The following NAA11 variants were observed in gnomAD, a reference collection of about 807,000 sequenced individuals.
The protein encoded by NAA11 is N-alpha-acetyltransferase 11, NatA catalytic subunit.
In NAA11, 15 loss-of-function variants were observed where a neutral mutation model predicts 16.1. That is an observed-to-expected ratio of 0.93 (90% confidence interval 0.62 to 1.44). NAA11 has a LOEUF of 1.44. Ranked by LOEUF, NAA11 falls within the 40% of genes most tolerant of loss-of-function variation. The pLI is 0.00. For missense variants in NAA11, 298 were observed against 291.3 expected, an observed-to-expected ratio of 1.02 and a Z score of -0.17; for synonymous variants, 122 against 112.4, an observed-to-expected ratio of 1.09 and a Z score of -0.54.
At chr4:79,156,886 A>G in the NAA11 span, among the ~76,000 whole-genome samples, 3 of 152,220 alleles carry the variant, frequency 2.0e-5, no homozygotes, top group African/African-American at 7.2e-5. Flanking sequence ...GGTAATGAGA[A>G]GAAAAAGAAT....
chr4:79,271,483 T>C (rs866202815), intron 2 of NAA11, among the ~76,000 whole-genome samples: 2 of 152,044 alleles, frequency 1.3e-5, no homozygotes, highest in South Asian at 4.1e-4. Context: ...AACATAAAAA[T>C]TTGTTTCCTT....
chr4:79,194,819 G>A, the NAA11 span, among the ~76,000 whole-genome samples: 2 of 152,030 alleles, frequency 1.3e-5, no homozygotes, highest in African/African-American at 4.8e-5. Context: ...ACCCTTTGAA[G>A]TGTGTATTAC....
At chr4:79,283,552 T>A (rs1391054844) in intron 2 of NAA11, among the ~76,000 whole-genome samples, 3 of 151,962 alleles carry the variant, frequency 2.0e-5, no homozygotes, top group African/African-American at 7.2e-5. Context: ...TCTATTTTAA[T>A]CAGAAAAGCA....
At chr4:79,305,721 G>GA (rs1723559084) in intron 1 of NAA11, among the ~76,000 whole-genome samples, 1 of 152,058 alleles carries the variant, frequency 6.6e-6, no homozygotes, top group African/African-American at 2.4e-5. Context: ...AGAATGGTGA[G>GA]AAAAAAGCTT....
At chr4:79,213,906 A>G in the NAA11 span, among the ~76,000 whole-genome samples, 126,958 of 152,144 alleles carry the variant, frequency 0.83, 54,208 homozygotes, top group Non-Finnish European at 0.92. Context: ...GGAGTGCCCA[A>G]TTTGTAGCAC....
intron 2 of NAA11, among the ~76,000 whole-genome samples, chr4:79,270,164 T>G (rs1722460541): frequency 6.6e-6 from 1 of 151,086 alleles, no homozygotes; most frequent in African/African-American, 2.4e-5. Flanking sequence ...TTCTTTTGGC[T>G]TAGGATTGAC....
intron 2 of NAA11, among the ~76,000 whole-genome samples, chr4:79,256,634 ATATATATATAAATATAAATAT>A (rs1722111520): frequency 9.7e-6 from 1 of 102,896 alleles, no homozygotes; most frequent in African/African-American, 3.3e-5. Context: ...AAAATGAACC[ATATATATATAAATATAAATAT>A]ATATATATAT....
the NAA11 span, among the ~76,000 whole-genome samples, chr4:79,171,830 C>T: frequency 1.3e-5 from 2 of 152,118 alleles, no homozygotes; most frequent in Non-Finnish European, 2.9e-5. Context: ...GACAAATCTA[C>T]TATAAAATAC....
At chr4:79,295,913 G>C (rs1317715609) in intron 1 of NAA11, among the ~76,000 whole-genome samples, 1 of 152,072 alleles carries the variant, frequency 6.6e-6, no homozygotes, top group South Asian at 2.1e-4. Context: ...CTATTCCTCT[G>C]AGAAGTAACA....
At chr4:79,324,002 CAA>C (rs35787469) in intron 1 of NAA11, among the ~76,000 whole-genome samples, 79 of 118,106 alleles carry the variant, frequency 6.7e-4, no homozygotes, top group Admixed American at 6.8e-4. Context: ...GACTCTGTCT[CAA>C]AAAAAAAAAA....
chr4:79,188,105 A>G, the NAA11 span, among the ~76,000 whole-genome samples: 6 of 151,948 alleles, frequency 3.9e-5, no homozygotes, highest in Non-Finnish European at 7.4e-5. Flanking sequence ...TTTCGATTGT[A>G]ACAAATTTTC....
At chr4:79,255,294 C>G (rs769608845) in intron 2 of NAA11, among the ~76,000 whole-genome samples, 7 of 151,956 alleles carry the variant, frequency 4.6e-5, no homozygotes, top group Non-Finnish European at 4.4e-5. Flanking sequence ...TTGTACATGT[C>G]TTTGGTGGGC....
chr4:79,260,022 A>G (rs545298867), intron 2 of NAA11, among the ~76,000 whole-genome samples: 2 of 152,312 alleles, frequency 1.3e-5, no homozygotes, highest in East Asian at 3.9e-4. Flanking sequence ...GCTTAATTGT[A>G]GGCTTGTTAG....
chr4:79,206,248 T>G, the NAA11 span, among the ~76,000 whole-genome samples: 19 of 152,252 alleles, frequency 1.2e-4, no homozygotes, highest in Middle Eastern at 3.4e-3. Flanking sequence ...GAGTATGGGA[T>G]ATTTTTCCAT....
chr4:79,156,967 A>T, the NAA11 span, among the ~76,000 whole-genome samples: 1 of 152,186 alleles, frequency 6.6e-6, no homozygotes, highest in African/African-American at 2.4e-5. Context: ...ATTGAACAGG[A>T]CTCACGACAT....
chr4:79,216,030 T>C, the NAA11 span, among the ~76,000 whole-genome samples: 2 of 152,312 alleles, frequency 1.3e-5, no homozygotes, highest in South Asian at 4.1e-4. Flanking sequence ...TTCTCTTAAG[T>C]ACTCTGTTCT....
At chr4:79,284,456 T>C (rs1722863911) in intron 2 of NAA11, among the ~76,000 whole-genome samples, 1 of 152,098 alleles carries the variant, frequency 6.6e-6, no homozygotes, top group South Asian at 2.1e-4. Context: ...CAATCAAGTT[T>C]GATTCAAGAG....
At chr4:79,194,995 A>C in the NAA11 span, among the ~76,000 whole-genome samples, 1 of 152,102 alleles carries the variant, frequency 6.6e-6, no homozygotes, top group Non-Finnish European at 1.5e-5. Flanking sequence ...GAGAGGCTCA[A>C]ATCTTCAAGA....
At chr4:79,295,557 T>C (rs932133246) in intron 1 of NAA11, among the ~76,000 whole-genome samples, 8 of 152,206 alleles carry the variant, frequency 5.3e-5, no homozygotes, top group Admixed American at 2.0e-4. Flanking sequence ...GAAGGACCTG[T>C]AGATAAACTT....
Sources: gnomAD v4.1 joint callset for allele counts (sites outside exome capture counted in the v4.1 genomes callset) on GRCh38, gnomAD v4.1.1 for gene constraint, MANE v1.5 for transcripts, NCBI Gene and HGNC (gene_info 2026-07-23, HGNC 2026-07-21) for gene names.